ARHGEF10: variants seen among roughly 807,000 people sequenced by gnomAD.
The protein encoded by ARHGEF10 is Rho guanine nucleotide exchange factor 10.
ARHGEF10 carries 140 observed loss-of-function variants against 147.4 expected under a neutral mutation model. The observed-to-expected ratio is 0.95, with a 90% CI of 0.83 to 1.09. ARHGEF10 has a LOEUF of 1.09. Among genes scored for constraint, ARHGEF10 ranks in the 50% least tolerant of loss-of-function variants. The probability of loss-of-function intolerance (pLI) is 0.00; values close to 1 mark genes in which losing one functional copy is unlikely to be tolerated. For synonymous variants in ARHGEF10, 902 were observed against 695.8 expected (o/e 1.30, Z -4.67); for missense variants, 2,222 against 1,752.7 (o/e 1.27, Z -4.78).
chr8:1,948,194 C>T lies in ARHGEF10; in HGVS notation c.3397+2539C>T, dbSNP rs186937915. Among the ~76,000 whole-genome samples, 3 of 152,248 alleles carry T rather than the reference C, an allele frequency of 2.0e-5. No homozygotes were observed. Among genetic ancestry groups the T allele is most frequent in the Non-Finnish European group, 2.9e-5 (2 of 68,016 alleles). On this transcript the variant is annotated intron_variant, in intron 27 of 28. Transcript: ENST00000349830. This position sits in a 1 kb window ranked among gnomAD's most constrained non-coding sequence, Gnocchi z 4.9. ...GCTCTGCAGAGCCACCATCCCCTGGCGCCCACTCTCCCGGGCCCCTCCAAC... is the reference window on the plus strand; with the variant it reads ...GCTCTGCAGAGCCACCATCCCCTGGTGCCCACTCTCCCGGGCCCCTCCAAC...
intron 18 of ARHGEF10, among the ~76,000 whole-genome samples, chr8:1,921,811 A>G (rs143146641): frequency 6.6e-6 from 1 of 152,274 alleles, no homozygotes; most frequent in African/African-American, 2.4e-5. Flanking sequence ...TGGGCCCTGT[A>G]AGCTCAGGTC....
intron 16 of ARHGEF10, among the ~76,000 whole-genome samples, chr8:1,905,196 C>A (rs745863935): frequency 1.3e-5 from 2 of 152,140 alleles, no homozygotes; most frequent in Non-Finnish European, 2.9e-5. Context: ...TCATACAAAG[C>A]GTCTTTCTGA....
chr8:1,838,180 C>T (rs773816229), intron 1 of ARHGEF10, among the ~76,000 whole-genome samples: 1 of 152,210 alleles, frequency 6.6e-6, no homozygotes, highest in African/African-American at 2.4e-5. Context: ...GCCTTCCTTT[C>T]TCTAACAGGC....
chr8:1,931,259 CT>C (rs1443069759), intron 25 of ARHGEF10, among the ~76,000 whole-genome samples: 1 of 152,222 alleles, frequency 6.6e-6, no homozygotes, highest in Admixed American at 6.5e-5. Context: ...GTTGATAGGA[CT>C]TTTTCATATA....
Position 1,957,157 on chromosome 8 carries a change from G to C in ARHGEF10, c.3929G>C (p.Cys1310Ser), listed in dbSNP as rs746087623. 5.6e-6 allele frequency: 9 copies of C among 1,612,716 alleles called. No individual in the cohort carries two copies. Among genetic ancestry groups the C allele is most frequent in the Non-Finnish European group, 6.8e-6 (8 of 1,180,026 alleles). Residue 1310 changes from cysteine (C) to serine (S), a missense_variant, in exon 29 of 29, where the codon TGT (cysteine) becomes TCT (serine). Coordinates refer to ENST00000349830, the MANE Select transcript of ARHGEF10 (RefSeq NM_014629.4). ...AAGGCCAGCTCGGCGCTGGTGGTCT[G>C]TGGAGGGCAGGGCCACCGCCGGGTG... is the stretch of plus-strand genomic sequence containing the variant. Reference protein sequence around the residue: ...KAKASSALVVCGGQGHRRVHR... With the variant: ...KAKASSALVVSGGQGHRRVHR...
In ARHGEF10 at chr8:1,923,483, G is replaced by T; in HGVS notation, c.2275G>T (p.Val759Leu). 6.2e-7 allele frequency: 1 copy of T among 1,614,098 alleles called. No homozygotes were observed. Among genetic ancestry groups the T allele is most frequent in the South Asian group, 1.1e-5 (1 of 91,088 alleles). Reference protein sequence around the residue: ...KGNYQNLNQSVAHDWTSGLQR... With the variant: ...KGNYQNLNQSLAHDWTSGLQR... The stretch of plus-strand genomic sequence containing the variant: ...TCCTTTGTAGAACTTAAACCAGTCA[G>T]TAGCCCATGACTGGACATCAGGTTT... The change falls in exon 20 of 29, where the codon GTA (valine) becomes TTA (leucine). Residue 759 changes from valine to leucine, a missense_variant. Physicochemically the swap from Val to Leu is conservative, Grantham distance 32. Transcript: ENST00000349830.
At chr8:1,866,929 C>T (rs1294425509) in intron 6 of ARHGEF10, among the ~76,000 whole-genome samples, 1 of 152,132 alleles carries the variant, frequency 6.6e-6, no homozygotes, top group Admixed American at 6.5e-5. Flanking sequence ...TCAGCCACCA[C>T]CCACACGCCC....
rs756273608 is a variant in ARHGEF10 at position 1,929,421 on chromosome 8, C to A, written c.3057C>A (p.Val1019=). 1.9e-6 allele frequency: 3 copies of A among 1,609,612 alleles called. No homozygotes were observed. In the Admixed American group the frequency reaches 5.0e-5, roughly 27 times the overall value. ...ACGCTGGCCTGGTCAACGGGGCAGT[C>A]GCCAGCTACGCCAGAGCCCCAGGTG... is the stretch of plus-strand genomic sequence containing the variant. The part of the protein sequence containing the change: ...SLYAGLVNGA[V]ASYARAPDGS... Residue 1019 remains valine, a synonymous_variant, in exon 25 of 29, where the codon GTC becomes GTA. Transcript: ENST00000349830.
chr8:1,922,014 A>G (rs1812330017), intron 18 of ARHGEF10, among the ~76,000 whole-genome samples: 1 of 152,194 alleles, frequency 6.6e-6, no homozygotes, highest in African/African-American at 2.4e-5. Context: ...TGCTTAAAGT[A>G]CAGACACTCA....
At position 1,957,963 on chromosome 8, in the gene ARHGEF10, G is replaced by T. The variant is rs533620384; in HGVS notation, c.*700G>T. On this transcript the variant is annotated 3_prime_UTR_variant, in exon 29 of 29. Coordinates refer to ENST00000349830, the MANE Select transcript of ARHGEF10 (RefSeq NM_014629.4). ...CTGTAGCATTTCACAAATAATGTTTGCTTTGAACCAAAATGCTCAGTGCCT... is the reference window on the plus strand; with the variant it reads ...CTGTAGCATTTCACAAATAATGTTTTCTTTGAACCAAAATGCTCAGTGCCT... 6.6e-6 allele frequency: 1 copy of T among 152,214 alleles called. No homozygotes were observed. Among genetic ancestry groups the T allele is most frequent in the Non-Finnish European group, 1.5e-5 (1 of 68,062 alleles). 9.4% of individuals were successfully genotyped at this position (152,214 alleles called of 1,614,324 possible). A position where few individuals can be genotyped will look rare whatever the true frequency, so the allele number is the denominator to read the frequency against.
chr8:1,941,367 CAGAA>C (rs914846059), intron 26 of ARHGEF10, among the ~76,000 whole-genome samples: 2 of 152,080 alleles, frequency 1.3e-5, no homozygotes, highest in African/African-American at 4.8e-5. Context: ...ATAATGCTGT[CAGAA>C]AGAAAAATAC....
At chr8:1,949,003 C>G (rs367834105) in intron 27 of ARHGEF10, among the ~76,000 whole-genome samples, 1 of 139,950 alleles carries the variant, frequency 7.1e-6, no homozygotes, top group Non-Finnish European at 1.5e-5. Flanking sequence ...CATGACGATG[C>G]TCAAATGGGT....
chr8:1,911,511 T>A (rs915965184), intron 18 of ARHGEF10, among the ~76,000 whole-genome samples: 4 of 152,210 alleles, frequency 2.6e-5, no homozygotes, highest in African/African-American at 7.2e-5. Context: ...AGAACTCAAG[T>A]CAGAATTCTC....
chr8:1,872,466 A>C (rs1374706681), intron 7 of ARHGEF10, among the ~76,000 whole-genome samples: 1 of 152,216 alleles, frequency 6.6e-6, no homozygotes, highest in Non-Finnish European at 1.5e-5. Context: ...TTGATGCTAC[A>C]TTTCCTTCCA....
At chr8:1,952,110 C>T (rs1815106209) in intron 27 of ARHGEF10, among the ~76,000 whole-genome samples, 1 of 152,222 alleles carries the variant, frequency 6.6e-6, no homozygotes, top group Non-Finnish European at 1.5e-5. Flanking sequence ...CCTCAAAGGC[C>T]CTTCTCACCC....
At position 1,923,275 on chromosome 8, in the gene ARHGEF10, T is replaced by G. The variant is rs1812435848; in HGVS notation, c.2260-193T>G. 4.2e-6 allele frequency: 4 copies of G among 951,770 alleles called. No individual in the cohort carries two copies. In the African/African-American group the frequency reaches 6.6e-5, roughly 16 times the overall value. 59.0% of individuals were successfully genotyped at this position (951,770 alleles called of 1,614,324 possible). On this transcript the variant is annotated intron_variant, in intron 19 of 28. Transcript: ENST00000349830. Reference sequence around the variant, plus strand: ...ACTTTTCTTCATTTTGCAAATAGGGTTTAATATCAGTTCTATCTTAGAAAT... The same window carrying G: ...ACTTTTCTTCATTTTGCAAATAGGGGTTAATATCAGTTCTATCTTAGAAAT...
At chr8:1,893,379 A>G (rs1809706995) in intron 11 of ARHGEF10, among the ~76,000 whole-genome samples, 190 bp from the exon 12 acceptor site, 2 of 152,176 alleles carry the variant, frequency 1.3e-5, no homozygotes, top group Admixed American at 6.5e-5. Context: ...GAGGTTTAAG[A>G]CATTATATAA....
rs904675857 is a variant in ARHGEF10, at chr8:1,828,620, G to A, written c.-48+4507G>A. ...TTAAGGAATTACATTTTGATAAACC[G>A]TGGCATGCACACTTAACGGTTTTAA... On this transcript the variant is annotated intron_variant, in intron 1 of 28. Coordinates refer to ENST00000349830, the MANE Select transcript of ARHGEF10 (RefSeq NM_014629.4). 4.5e-5 allele frequency among the ~76,000 whole-genome samples: 6 copies of A among 133,536 alleles called. 1 individual carries two copies. Among genetic ancestry groups the A allele is most frequent in the African/African-American group, 1.8e-4 (6 of 33,664 alleles). 87.6% of individuals were successfully genotyped at this position (133,536 alleles called of 152,430 possible). A position where few individuals can be genotyped will look rare whatever the true frequency, so the allele number is the denominator to read the frequency against.
chr8:1,824,670 C>T (rs1236093655), intron 1 of ARHGEF10, among the ~76,000 whole-genome samples: 1 of 122,448 alleles, frequency 8.2e-6, no homozygotes, highest in African/African-American at 3.2e-5. Flanking sequence ...CGCACCCCAC[C>T]TGTTTACCCT....
Sources: gnomAD v4.1 joint callset for allele counts (sites outside exome capture counted in the v4.1 genomes callset) on GRCh38, gnomAD v4.1.1 for gene constraint, Gnocchi (gnomAD v3.1) non-coding constraint, MANE v1.5 for transcripts, NCBI Gene and HGNC (gene_info 2026-07-23, HGNC 2026-07-21) for gene names.